Variants in DGKB observed in about 807,000 individuals in gnomAD.
DGKB encodes 90 kDa diacylglycerol kinase.
A neutral mutation model predicts 114.3 loss-of-function variants in DGKB; 67 were observed. That is an observed-to-expected ratio of 0.59 (90% CI 0.48 to 0.72). DGKB has a LOEUF of 0.72. DGKB is among the 30% of genes least tolerant of loss of function. DGKB has a pLI of 0.00. For synonymous variants in DGKB, 398 were observed against 323.1 expected, an observed-to-expected ratio of 1.23 and a Z score of -2.49; for missense variants, 907 against 975.2, an observed-to-expected ratio of 0.93 and a Z score of 0.93.
intron 20 of DGKB, among the ~76,000 whole-genome samples, chr7:14,518,524 T>C (rs185654554): frequency 3.4e-4 from 51 of 152,110 alleles, no homozygotes; most frequent in Non-Finnish European, 2.5e-4. Context: ...CTTTAAGAGA[T>C]ACGTGAACTT....
chr7:14,969,463 G>A (rs1200456337), intron 1 of DGKB, among the ~76,000 whole-genome samples: 2 of 152,236 alleles, frequency 1.3e-5, no homozygotes, highest in South Asian at 2.1e-4. Context: ...CCAGGCCAGG[G>A]ACCAGTATCA....
intron 18 of DGKB, 82 bp from the exon 19 acceptor site, chr7:14,581,033 T>C: frequency 1.1e-6 from 1 of 906,636 alleles, no homozygotes; most frequent in Non-Finnish European, 1.6e-6. Flanking sequence ...CCTGATGACA[T>C]TAAATGAAGG....
intron 13 of DGKB, among the ~76,000 whole-genome samples, chr7:14,639,669 G>C (rs1215262046): frequency 6.6e-6 from 1 of 152,194 alleles, no homozygotes; most frequent in Non-Finnish European, 1.5e-5. Context: ...TACGGGCCAA[G>C]GCTAAACTAT....
At chr7:14,276,619 T>C (rs1367887930) in intron 23 of DGKB, among the ~76,000 whole-genome samples, 1 of 152,016 alleles carries the variant, frequency 6.6e-6, no homozygotes, top group Non-Finnish European at 1.5e-5. Context: ...AGAGCAATCA[T>C]GCCTAAATTG....
chr7:14,691,877 T>C (rs933265397), intron 9 of DGKB, among the ~76,000 whole-genome samples: 18 of 151,404 alleles, frequency 1.2e-4, no homozygotes, highest in Non-Finnish European at 2.2e-4. Context: ...TAATAAAACC[T>C]TAGATTTCTC....
At chr7:14,482,796 A>G (rs1373668332) in intron 20 of DGKB, among the ~76,000 whole-genome samples, 1 of 152,110 alleles carries the variant, frequency 6.6e-6, no homozygotes, top group Non-Finnish European at 1.5e-5. Flanking sequence ...CTATGTATAT[A>G]AGGCACTATT....
chr7:14,834,835 T>A (rs1054531703), intron 2 of DGKB, among the ~76,000 whole-genome samples: 4 of 151,984 alleles, frequency 2.6e-5, no homozygotes, highest in Admixed American at 6.6e-5. Flanking sequence ...TGGGGGGAGG[T>A]CAAGTCTGAA....
At chr7:14,949,653 G>A (rs1015776407) in intron 1 of DGKB, among the ~76,000 whole-genome samples, 5 of 151,720 alleles carry the variant, frequency 3.3e-5, no homozygotes, top group African/African-American at 7.3e-5. Context: ...AAATTTAAGA[G>A]GTACAACAAA....
intron 23 of DGKB, among the ~76,000 whole-genome samples, chr7:14,263,497 G>A (rs1797057891): frequency 6.6e-6 from 1 of 152,022 alleles, no homozygotes; most frequent in Non-Finnish European, 1.5e-5. Flanking sequence ...TTTGCCTCTG[G>A]GTTTCTGTAC....
intron 23 of DGKB, among the ~76,000 whole-genome samples, chr7:14,218,497 A>G (rs12699580): frequency 1.3e-5 from 2 of 152,108 alleles, no homozygotes; most frequent in African/African-American, 4.8e-5. Flanking sequence ...GTGGTCTAAG[A>G]TGTCTGCCAA....
chr7:14,852,346 A>G (rs1254774075), intron 1 of DGKB, among the ~76,000 whole-genome samples: 2 of 151,730 alleles, frequency 1.3e-5, no homozygotes, highest in African/African-American at 2.4e-5. Context: ...TTATATAGCC[A>G]GGTGCATATT....
chr7:14,284,251 C>G (rs1470480596), intron 23 of DGKB, among the ~76,000 whole-genome samples: 1 of 147,534 alleles, frequency 6.8e-6, no homozygotes, highest in Non-Finnish European at 1.5e-5. Context: ...CCAAAAAACA[C>G]ATGAAAAAAT....
intron 1 of DGKB, among the ~76,000 whole-genome samples, chr7:14,871,632 T>C (rs568102529): frequency 1.3e-5 from 2 of 152,292 alleles, no homozygotes; most frequent in South Asian, 4.1e-4. Flanking sequence ...TTAGGCCTTC[T>C]GTTTCTTATA....
upstream of DGKB, among the ~76,000 whole-genome samples, chr7:14,904,579 T>C (rs1281347791): frequency 6.6e-6 from 1 of 152,176 alleles, no homozygotes; most frequent in African/African-American, 2.4e-5. Flanking sequence ...AAAGCATTTA[T>C]CAATTATCCA....
At chr7:14,919,582 C>A (rs897642451) in intron 1 of DGKB, among the ~76,000 whole-genome samples, 1 of 152,018 alleles carries the variant, frequency 6.6e-6, no homozygotes, top group Non-Finnish European at 1.5e-5. Context: ...GTTTTAATTG[C>A]AAAAAACTGA....
chr7:14,869,835 T>C (rs1438871547), intron 1 of DGKB, among the ~76,000 whole-genome samples: 1 of 152,180 alleles, frequency 6.6e-6, no homozygotes, highest in Non-Finnish European at 1.5e-5. Context: ...TGATGGGTTA[T>C]GACACAGTAA....
At chr7:14,165,034 C>A (rs186201593) in intron 25 of DGKB, among the ~76,000 whole-genome samples, 1 of 152,028 alleles carries the variant, frequency 6.6e-6, no homozygotes, top group Non-Finnish European at 1.5e-5. Context: ...AAAGACAAGA[C>A]CGTGGATTCC....
chr7:14,644,216 A>C (rs1471223299), intron 13 of DGKB, among the ~76,000 whole-genome samples: 1 of 152,190 alleles, frequency 6.6e-6, no homozygotes, highest in Non-Finnish European at 1.5e-5. Context: ...ATCTACAGGA[A>C]AAAAAGTGTT....
chr7:14,811,785 T>C (rs1257944630), intron 2 of DGKB, among the ~76,000 whole-genome samples: 1 of 148,618 alleles, frequency 6.7e-6, no homozygotes, highest in Non-Finnish European at 1.5e-5. Flanking sequence ...GTAACATAAA[T>C]ATATATATGT....
Sources: allele counts gnomAD v4.1 joint callset (sites outside exome capture counted in the v4.1 genomes callset), GRCh38; gene constraint gnomAD v4.1.1; transcripts MANE v1.5; gene names NCBI Gene and HGNC (gene_info 2026-07-23, HGNC 2026-07-21).